UBAP1: variants seen among roughly 807,000 people sequenced by gnomAD.
The protein encoded by UBAP1 is ubiquitin-associated protein 1.
UBAP1 carries 5 observed loss-of-function variants against 39.0 expected under a neutral mutation model. The observed-to-expected ratio is 0.13, with a 90% CI of 0.07 to 0.27. UBAP1 has a LOEUF of 0.27. Among genes scored for constraint, UBAP1 ranks in the 10% least tolerant of loss-of-function variants. UBAP1 has a pLI of 1.00. For missense variants in UBAP1, 490 were observed against 608.1 expected, an observed-to-expected ratio of 0.81 and a Z score of 2.04; for synonymous variants, 211 against 225.1, an observed-to-expected ratio of 0.94 and a Z score of 0.56.
intron 1 of UBAP1, among the ~76,000 whole-genome samples, chr9:34,192,483 C>T (rs1299375261): frequency 7.0e-6 from 1 of 142,736 alleles, no homozygotes; most frequent in East Asian, 2.0e-4. Flanking sequence ...CCACTGCACT[C>T]TAGCCTGGGT....
intron 2 of UBAP1, among the ~76,000 whole-genome samples, chr9:34,233,493 T>A (rs565296193): frequency 8.8e-4 from 134 of 152,292 alleles, no homozygotes; most frequent in African/African-American, 3.0e-3. Flanking sequence ...AGAATCCTAA[T>A]CAAGGAGATT....
chr9:34,250,854 C>T (rs1342840098), intron 6 of UBAP1, 95 bp downstream of exon 6: 6 of 1,035,492 alleles, frequency 5.8e-6, no homozygotes, highest in African/African-American at 1.6e-5. Context: ...AACCTTTTTG[C>T]TTTGCCAGTG....
At chr9:34,196,057 A>T (rs1246983143) in intron 1 of UBAP1, among the ~76,000 whole-genome samples, 1 of 146,774 alleles carries the variant, frequency 6.8e-6, no homozygotes, top group Admixed American at 7.2e-5. Context: ...CTGCAACTAC[A>T]CAAACACGCT....
At chr9:34,185,783 TGG>T (rs1830375622) in intron 1 of UBAP1, among the ~76,000 whole-genome samples, 1 of 150,902 alleles carries the variant, frequency 6.6e-6, no homozygotes, top group African/African-American at 2.4e-5. Flanking sequence ...GAGGCGGTGG[TGG>T]CAGTAAGCCT....
At chr9:34,213,733 C>T (rs1397108107) in intron 1 of UBAP1, among the ~76,000 whole-genome samples, 1 of 152,118 alleles carries the variant, frequency 6.6e-6, no homozygotes, top group Non-Finnish European at 1.5e-5. Context: ...GTCAAACTGT[C>T]ACTGTTTGCT....
At chr9:34,250,032 G>A in intron 5 of UBAP1, 71 bp downstream of exon 5, 1 of 1,527,474 alleles carries the variant, frequency 6.5e-7, no homozygotes, top group Non-Finnish European at 9.0e-7. Context: ...CCCTGTCCTA[G>A]AGCCCCTCAG....
intron 2 of UBAP1, among the ~76,000 whole-genome samples, chr9:34,225,203 G>A (rs1213509315): frequency 1.3e-5 from 2 of 151,996 alleles, no homozygotes; most frequent in African/African-American, 4.8e-5. Flanking sequence ...CTGTCATGAC[G>A]GATATTAAAA....
At chr9:34,218,478 G>C (rs1470670588) in intron 1 of UBAP1, among the ~76,000 whole-genome samples, 1 of 150,628 alleles carries the variant, frequency 6.6e-6, no homozygotes, top group Non-Finnish European at 1.5e-5. Context: ...TGTGGTTATA[G>C]AAATGAAACA....
chr9:34,186,480 A>G (rs1249924903), intron 1 of UBAP1, among the ~76,000 whole-genome samples: 1 of 152,196 alleles, frequency 6.6e-6, no homozygotes, highest in African/African-American at 2.4e-5. Context: ...TTACTGAGTC[A>G]AGAGCCAGCA....
At position 34,242,076 on chromosome 9, in the gene UBAP1, G is replaced by C; in HGVS notation, c.1051G>C (p.Glu351Gln). 2 of 1,608,260 alleles carry C rather than the reference G, an allele frequency of 1.2e-6. No homozygotes were observed. The highest frequency in any genetic ancestry group is 1.7e-6 in the Non-Finnish European group (2 of 1,175,128). The change falls in exon 4 of 7, where the codon GAG becomes CAG. Residue 351 changes from glutamate (E) to glutamine (Q), a missense_variant. Physicochemically the swap from Glu to Gln is conservative, Grantham distance 29. Transcript: ENST00000297661. ...CCTCTCTGTTTTGTCTGTGTGCACAGAGGAATCATCACCTCCAAATACTGG... is the reference window on the plus strand; with the variant it reads ...CCTCTCTGTTTTGTCTGTGTGCACACAGGAATCATCACCTCCAAATACTGG... The part of the protein sequence containing the change: ...PSLSVLSVCT[E>Q]ESSPPNTGPT...
chr9:34,240,335 A>G (rs534798912), intron 3 of UBAP1, among the ~76,000 whole-genome samples: 1 of 152,266 alleles, frequency 6.6e-6, no homozygotes, highest in African/African-American at 2.4e-5. Flanking sequence ...TTCTTCTCTA[A>G]AATTCTGGTG....
chr9:34,182,345 C>A (rs186326921), intron 1 of UBAP1, among the ~76,000 whole-genome samples: 1 of 151,240 alleles, frequency 6.6e-6, no homozygotes. Flanking sequence ...CCACCACACC[C>A]GGCTAATTTT....
chr9:34,226,221 C>A (rs1231769360), intron 2 of UBAP1, among the ~76,000 whole-genome samples: 3 of 146,864 alleles, frequency 2.0e-5, no homozygotes, highest in Non-Finnish European at 4.5e-5. Context: ...TAGAAAAACC[C>A]CGTTTCTTGT....
chr9:34,231,127 A>ATGTGTGTGTGTGTG (rs6150983), intron 2 of UBAP1, among the ~76,000 whole-genome samples: 329 of 137,104 alleles, frequency 2.4e-3, no homozygotes, highest in African/African-American at 6.8e-3. Context: ...TAAAAAAATT[A>ATGTGTGTGTGTGTG]TGTGTGTGTG....
At chr9:34,235,402 A>C (rs1443535917) in intron 3 of UBAP1, among the ~76,000 whole-genome samples, 1 of 151,508 alleles carries the variant, frequency 6.6e-6, no homozygotes, top group Non-Finnish European at 1.5e-5. Flanking sequence ...GCAGCGGTGC[A>C]ATCTTGGCTC....
At chr9:34,193,574 A>G (rs1830856192) in intron 1 of UBAP1, among the ~76,000 whole-genome samples, 2 of 152,090 alleles carry the variant, frequency 1.3e-5, no homozygotes, top group Non-Finnish European at 2.9e-5. Flanking sequence ...CACTGTCTTC[A>G]TGTTGGTGTT....
At chr9:34,213,556 C>T (rs527346735) in intron 1 of UBAP1, among the ~76,000 whole-genome samples, 1 of 151,996 alleles carries the variant, frequency 6.6e-6, no homozygotes, top group Non-Finnish European at 1.5e-5. Flanking sequence ...ACACCTACAG[C>T]CAACCTAATA....
At chr9:34,235,321 G>A (rs1473300900) in intron 3 of UBAP1, among the ~76,000 whole-genome samples, 1 of 146,676 alleles carries the variant, frequency 6.8e-6, no homozygotes, top group Non-Finnish European at 1.5e-5. Flanking sequence ...GTGTGTGTGT[G>A]TGTGTGTGTG....
intron 3 of UBAP1, among the ~76,000 whole-genome samples, chr9:34,236,323 C>T (rs1372994783): frequency 6.6e-6 from 1 of 152,042 alleles, no homozygotes; most frequent in Non-Finnish European, 1.5e-5. Context: ...CATAGCAATA[C>T]CGTATAGCCT....
Sources: gnomAD v4.1 joint callset for allele counts (sites outside exome capture counted in the v4.1 genomes callset) on GRCh38, gnomAD v4.1.1 for gene constraint, MANE v1.5 for transcripts, NCBI Gene and HGNC (gene_info 2026-07-23, HGNC 2026-07-21) for gene names.